Variants in CCDC172 observed in about 807,000 individuals in gnomAD.
CCDC172 encodes coiled-coil domain-containing protein 172.
In CCDC172, 30 loss-of-function variants were observed where a neutral mutation model predicts 38.0. That is an observed-to-expected ratio of 0.79 (90% CI 0.59 to 1.07). CCDC172 has a LOEUF of 1.07. Ranked by LOEUF, CCDC172 falls within the 50% of genes least tolerant of loss-of-function variation. CCDC172 has a pLI of 0.00. For missense variants in CCDC172, 297 were observed against 290.1 expected, an observed-to-expected ratio of 1.02 and a Z score of -0.17; for synonymous variants, 78 against 88.3, an observed-to-expected ratio of 0.88 and a Z score of 0.66.
chr10:116,329,018 A>T lies in CCDC172; in HGVS notation c.165+3630A>T, dbSNP rs1221221133. On this transcript the variant is annotated intron_variant, in intron 3 of 8. Coordinates refer to ENST00000333254, the MANE Select transcript of CCDC172 (RefSeq NM_198515.3). ...ATTCATTGAGCAACTGCTAAATCAC[A>T]CTATGAATACTTGGCAAATAAATTA... Among the ~76,000 whole-genome samples the T allele has an allele frequency of 2.6e-5, 4 of 152,314 alleles. No individual in the cohort carries two copies. The South Asian group carries it at 6.2e-4, about 24-fold the overall frequency.
At chr10:116,365,983 A>G (rs999620419) in intron 7 of CCDC172, among the ~76,000 whole-genome samples, 1 of 152,196 alleles carries the variant, frequency 6.6e-6, no homozygotes, top group African/African-American at 2.4e-5. Flanking sequence ...ATATTTATAC[A>G]ATGACAAAAT....
chr10:116,329,031 G>A (rs36029599), intron 3 of CCDC172, among the ~76,000 whole-genome samples: 16,958 of 151,954 alleles, frequency 0.11, 1,120 homozygotes, highest in East Asian at 0.22. Context: ...ATGAATACTT[G>A]GCAAATAAAT....
intron 7 of CCDC172, among the ~76,000 whole-genome samples, chr10:116,362,572 A>G (rs1051428870): frequency 1.3e-5 from 2 of 152,196 alleles, no homozygotes; most frequent in African/African-American, 4.8e-5. Flanking sequence ...TCCATTTATA[A>G]AATAGTCTAC....
intron 5 of CCDC172, among the ~76,000 whole-genome samples, chr10:116,343,515 GTTTT>G (rs61102916): frequency 1.4e-4 from 19 of 133,158 alleles, no homozygotes; most frequent in African/African-American, 5.3e-4. Flanking sequence ...CTGATCATTC[GTTTT>G]TTTTTTTTTT....
At chr10:116,362,623 A>G (rs985089874) in intron 7 of CCDC172, among the ~76,000 whole-genome samples, 1 of 152,222 alleles carries the variant, frequency 6.6e-6, no homozygotes, top group Non-Finnish European at 1.5e-5. Context: ...AGAAGCTCAA[A>G]GTAGACAAGA....
chr10:116,362,695 C>T (rs1669792136), intron 7 of CCDC172, among the ~76,000 whole-genome samples: 1 of 152,156 alleles, frequency 6.6e-6, no homozygotes, highest in South Asian at 2.1e-4. Flanking sequence ...TGTGTCTGTA[C>T]CTTACCTATA....
chr10:116,334,096 AGAGAGATAGAGGAAGGAAAGG>A (rs1565712167), intron 3 of CCDC172, among the ~76,000 whole-genome samples: 3 of 152,028 alleles, frequency 2.0e-5, no homozygotes, highest in African/African-American at 7.2e-5. Context: ...ATTCCTCCCA[AGAGAGATAGAGGAAGGAAAGG>A]GAGAGATGGG....
intron 5 of CCDC172, among the ~76,000 whole-genome samples, chr10:116,345,956 A>G (rs866063405): frequency 2.6e-5 from 4 of 152,212 alleles, no homozygotes; most frequent in Admixed American, 1.3e-4. Flanking sequence ...GAGATACTCC[A>G]GAGAGATGAA....
chr10:116,330,532 C>T (rs1383774272), intron 3 of CCDC172, among the ~76,000 whole-genome samples: 8 of 152,112 alleles, frequency 5.3e-5, no homozygotes, highest in African/African-American at 1.7e-4. Flanking sequence ...TTCATTGAAA[C>T]GGCTTCAGAT....
chr10:116,360,458 A>G (rs1401797327), intron 7 of CCDC172, among the ~76,000 whole-genome samples: 1 of 152,194 alleles, frequency 6.6e-6, no homozygotes, highest in African/African-American at 2.4e-5. Context: ...GTTCATCTTC[A>G]TATATTTTCA....
At chr10:116,371,868 C>T (rs1845189346) in intron 7 of CCDC172, among the ~76,000 whole-genome samples, 1 of 151,996 alleles carries the variant, frequency 6.6e-6, no homozygotes, top group African/African-American at 2.4e-5. Flanking sequence ...GATAAGAGAG[C>T]CATTGATTTA....
At chr10:116,369,524 C>A (rs1845161592) in intron 7 of CCDC172, among the ~76,000 whole-genome samples, 1 of 151,856 alleles carries the variant, frequency 6.6e-6, no homozygotes, top group Non-Finnish European at 1.5e-5. Context: ...TCCTGGAATT[C>A]ATTTTGTAAT....
rs183803998 is a variant in CCDC172, at chr10:116,370,165, C to T, written c.654-8258C>T. On this transcript the variant is annotated intron_variant, in intron 7 of 8. Coordinates refer to ENST00000333254, the MANE Select transcript of CCDC172 (RefSeq NM_198515.3). ...GTTTGTCATTTATCTTTGAACTTTA[C>T]TTACGGTGGTTTTTGCTACACAACC... Among the ~76,000 whole-genome samples the T allele has an allele frequency of 3.4e-3, 503 of 149,228 alleles. 2 individuals carry two copies. The highest frequency in any genetic ancestry group is 4.9e-3 in the Non-Finnish European group (331 of 67,784).
intron 3 of CCDC172, among the ~76,000 whole-genome samples, chr10:116,330,144 A>G (rs958784044): frequency 6.6e-6 from 1 of 152,200 alleles, no homozygotes; most frequent in African/African-American, 2.4e-5. Context: ...AGTAAGCCTA[A>G]AATGTCAAGG....
chr10:116,351,903 A>G (rs149201156), intron 5 of CCDC172, among the ~76,000 whole-genome samples: 50 of 151,782 alleles, frequency 3.3e-4, no homozygotes, highest in African/African-American at 1.1e-3. Context: ...TAGAATTTTC[A>G]GGACAATGTA....
Position 116,342,105 on chromosome 10 carries a change from G to C in CCDC172, c.352G>C (p.Asp118His), listed in dbSNP as rs1175063223. 1 of 1,550,322 alleles carries C rather than the reference G, an allele frequency of 6.5e-7. No individual in the cohort carries two copies. Among genetic ancestry groups the C allele is most frequent in the South Asian group, 1.2e-5 (1 of 81,640 alleles). Residue 118 changes from aspartate (D) to histidine (H), a missense_variant, in exon 5 of 9, where the codon GAT becomes CAT. Physicochemically the swap from Asp to His is moderately conservative, Grantham distance 81. Transcript: ENST00000333254. ...TAAGGAAATTACAGACTTTAATAATGATTATGAAATAACAAAGAAAAGAGA... is the reference window on the plus strand; with the variant it reads ...TAAGGAAATTACAGACTTTAATAATCATTATGAAATAACAAAGAAAAGAGA... ...FIKEITDFNNDYEITKKRELL... is the reference protein window; with the variant it reads ...FIKEITDFNNHYEITKKRELL...
At chr10:116,348,098 T>C (rs944721829) in intron 5 of CCDC172, among the ~76,000 whole-genome samples, 1 of 152,070 alleles carries the variant, frequency 6.6e-6, no homozygotes, top group Non-Finnish European at 1.5e-5. Flanking sequence ...TTTCTTTCTC[T>C]GCTTGGAAAA....
intron 5 of CCDC172, among the ~76,000 whole-genome samples, chr10:116,354,851 G>T (rs1236152006): frequency 1.3e-5 from 2 of 152,206 alleles, no homozygotes; most frequent in Non-Finnish European, 2.9e-5. Flanking sequence ...AAAGATAGTG[G>T]TATTGATGAT....
Position 116,369,117 on chromosome 10 carries a change from T to C in CCDC172, c.654-9306T>C, listed in dbSNP as rs144374770. On this transcript the variant is annotated intron_variant, in intron 7 of 8. Transcript: ENST00000333254. Reference sequence around the variant, plus strand: ...TTCAAAAATCACTTTAATTCTTTTTTATTTTTTCTTATGATTATAAATTTG... The same window carrying C: ...TTCAAAAATCACTTTAATTCTTTTTCATTTTTTCTTATGATTATAAATTTG... Among the ~76,000 whole-genome samples the C allele has an allele frequency of 1.8e-4, 27 of 152,210 alleles. No homozygotes were observed. The East Asian group carries it at 5.0e-3, about 28-fold the overall frequency.
Sources: gnomAD v4.1 joint callset for allele counts (sites outside exome capture counted in the v4.1 genomes callset) on GRCh38, gnomAD v4.1.1 for gene constraint, MANE v1.5 for transcripts, NCBI Gene and HGNC (gene_info 2026-07-23, HGNC 2026-07-21) for gene names.